PCDHA8: variants seen among roughly 807,000 people sequenced by gnomAD.
The protein encoded by PCDHA8 is protocadherin alpha-8.
In PCDHA8, 53 loss-of-function variants were observed where a neutral mutation model predicts 61.8. The observed-to-expected ratio is 0.86, with a 90% confidence interval of 0.69 to 1.08. The LOEUF (loss-of-function observed/expected upper bound fraction) is 1.08, where lower values mean the gene tolerates loss of function less well. Ranked by LOEUF, PCDHA8 falls within the 50% of genes least tolerant of loss-of-function variation. The probability of loss-of-function intolerance (pLI) is 0.00; values close to 1 mark genes in which losing one functional copy is unlikely to be tolerated. For synonymous variants in PCDHA8, 618 were observed against 556.6 expected (o/e 1.11, Z -1.55); for missense variants, 1,293 against 1,245.0 (o/e 1.04, Z -0.58).
intron 1 of PCDHA8, among the ~76,000 whole-genome samples, chr5:140,922,606 T>C (rs1394298971): frequency 2.6e-5 from 4 of 152,176 alleles, no homozygotes; most frequent in African/African-American, 9.7e-5. Context: ...GTTGAAGATA[T>C]ATTAAAACTA....
chr5:140,847,780 T>C (rs1554141908), intron 1 of PCDHA8: 1 of 149,906 alleles, frequency 6.7e-6, no homozygotes, highest in Non-Finnish European at 1.5e-5. Context: ...TTCTCGCTTT[T>C]CTTGCAATAT....
At chr5:140,851,138 G>T in intron 1 of PCDHA8, 2 of 1,312,402 alleles carry the variant, frequency 1.5e-6, no homozygotes, top group Non-Finnish European at 2.0e-6. Context: ...TGTGATTAAA[G>T]TGACATTGAA....
At chr5:140,948,259 G>A (rs1430770984) in intron 1 of PCDHA8, among the ~76,000 whole-genome samples, 3 of 151,464 alleles carry the variant, frequency 2.0e-5, no homozygotes, top group Non-Finnish European at 3.0e-5. Context: ...TTACATCTGT[G>A]TTCATGTAGA....
At chr5:140,993,225 T>C (rs1036685362) in intron 3 of PCDHA8, among the ~76,000 whole-genome samples, 2 of 152,206 alleles carry the variant, frequency 1.3e-5, no homozygotes, top group Admixed American at 6.5e-5. Context: ...TTTTGGTATG[T>C]TCTCTCTGAA....
chr5:140,929,234 G>A (rs781843995), intron 1 of PCDHA8: 1 of 1,613,838 alleles, frequency 6.2e-7, no homozygotes, highest in Non-Finnish European at 8.5e-7. Flanking sequence ...GCCGACCTGC[G>A]AAATCTTGCC....
rs963313279 is a variant in PCDHA8, at chr5:140,848,520, C to A, written c.2394+4805C>A. On this transcript the variant is annotated intron_variant, in intron 1 of 3. Coordinates refer to ENST00000531613, the MANE Select transcript of PCDHA8 (RefSeq NM_018911.3). Reference sequence around the variant, plus strand: ...AATGTTATACTCAAGTCGAGGAGATCCAGAGGGTCAGCCTCTACTGCTCTC... The same window carrying A: ...AATGTTATACTCAAGTCGAGGAGATACAGAGGGTCAGCCTCTACTGCTCTC... The A allele has an allele frequency of 3.1e-6, 5 of 1,592,812 alleles. 1 individual carries two copies. The Admixed American group carries it at 5.1e-5, about 16-fold the overall frequency.
In PCDHA8 at chr5:140,841,464, T is replaced by C. The variant is rs2150316083; in HGVS notation, c.143T>C (p.Ile48Thr). 34 of 1,612,868 alleles carry C rather than the reference T, an allele frequency of 2.1e-5. No individual in the cohort carries two copies. The highest frequency in any genetic ancestry group is 3.3e-5 in the Admixed American group (2 of 60,000). The stretch of plus-strand genomic sequence containing the variant: ...AAACACGGCACCTTCGTGGGCCGGA[T>C]CGCGCAGGACCTGGGGCTGGAGCTG... ...EAKHGTFVGR[I>T]AQDLGLELAE... is the part of the protein sequence containing the mutation. Residue 48 changes from isoleucine to threonine, a missense_variant, in exon 1 of 4, where the codon ATC becomes ACC. By Grantham distance (89) the Ile-to-Thr change is moderately conservative. Coordinates refer to ENST00000531613, the MANE Select transcript of PCDHA8 (RefSeq NM_018911.3).
chr5:140,853,934 C>T (rs2042914376), intron 1 of PCDHA8: 1 of 864,500 alleles, frequency 1.2e-6, no homozygotes, highest in South Asian at 5.2e-5. Context: ...TTTGGGAGGC[C>T]AAGGTGGGAG....
chr5:140,978,406 T>C (rs1268497033), intron 1 of PCDHA8, among the ~76,000 whole-genome samples: 1 of 152,206 alleles, frequency 6.6e-6, no homozygotes, highest in African/African-American at 2.4e-5. Context: ...CCCTCTTCAA[T>C]CAGAAAAGAG....
At chr5:140,892,265 T>A (rs1285445395) in intron 1 of PCDHA8, among the ~76,000 whole-genome samples, 3 of 152,240 alleles carry the variant, frequency 2.0e-5, no homozygotes, top group African/African-American at 7.2e-5. Context: ...GATTTTGTGC[T>A]GAAAGTTGTA....
chr5:140,892,509 A>G (rs2063553980), intron 1 of PCDHA8, among the ~76,000 whole-genome samples: 1 of 152,220 alleles, frequency 6.6e-6, no homozygotes, highest in Admixed American at 6.5e-5. Context: ...AAGAAGTTCC[A>G]CCATGACTGG....
At chr5:140,988,942 G>C (rs1236805502) in intron 3 of PCDHA8, 1 of 152,180 alleles carries the variant, frequency 6.6e-6, no homozygotes, top group East Asian at 1.9e-4. Context: ...CTCTTAGGCT[G>C]CAGTTTCCTT....
At chr5:140,875,094 T>C (rs1554167483) in intron 1 of PCDHA8, among the ~76,000 whole-genome samples, 1 of 152,258 alleles carries the variant, frequency 6.6e-6, no homozygotes. Flanking sequence ...AAATTGTTGA[T>C]GTTTTGTTAC....
intron 1 of PCDHA8, chr5:140,876,782 C>T (rs372500794): frequency 2.5e-6 from 4 of 1,614,096 alleles, no homozygotes; most frequent in African/African-American, 2.7e-5. Flanking sequence ...TCGCTGTGGG[C>T]CACGGCTAGA....
chr5:140,870,891 G>A, intron 1 of PCDHA8: 2 of 1,613,964 alleles, frequency 1.2e-6, no homozygotes, highest in Non-Finnish European at 1.7e-6. Flanking sequence ...TGCGCGCAGT[G>A]GATGCGGACT....
chr5:140,894,138 T>A (rs1224822611), intron 1 of PCDHA8, among the ~76,000 whole-genome samples: 2 of 152,112 alleles, frequency 1.3e-5, no homozygotes, highest in Non-Finnish European at 2.9e-5. Flanking sequence ...TTGAAATAAT[T>A]CCCTTCTATG....
At chr5:140,978,805 T>G in intron 1 of PCDHA8, 144 bp from the exon 2 acceptor site, 4 of 1,492,524 alleles carry the variant, frequency 2.7e-6, no homozygotes, top group Non-Finnish European at 3.6e-6. Flanking sequence ...GTAGATATCA[T>G]CATAGAGTTA....
At chr5:140,993,532 AG>A (rs2097571069) in intron 3 of PCDHA8, among the ~76,000 whole-genome samples, 7 of 152,102 alleles carry the variant, frequency 4.6e-5, no homozygotes, top group African/African-American at 1.7e-4. Context: ...ACAGAGAGAG[AG>A]AGAGATAGAG....
chr5:141,005,164 G>T (rs782398186), intron 3 of PCDHA8, among the ~76,000 whole-genome samples: 1 of 152,178 alleles, frequency 6.6e-6, no homozygotes, highest in Non-Finnish European at 1.5e-5. Context: ...TAAAGAGTGG[G>T]TACCACTTTC....
Sources: gnomAD v4.1 joint callset for allele counts (sites outside exome capture counted in the v4.1 genomes callset) on GRCh38, gnomAD v4.1.1 for gene constraint, MANE v1.5 for transcripts, NCBI Gene and HGNC (gene_info 2026-07-23, HGNC 2026-07-21) for gene names.